The following ABCC12 variants were observed in gnomAD, a reference collection of about 807,000 sequenced individuals.
The protein encoded by ABCC12 is ATP binding cassette subfamily C member 12.
A neutral mutation model predicts 151.1 loss-of-function variants in ABCC12; 142 were observed. That is an observed-to-expected ratio of 0.94 (90% CI 0.82 to 1.08). The LOEUF (loss-of-function observed/expected upper bound fraction) is 1.08. Among genes scored for constraint, ABCC12 ranks in the 50% least tolerant of loss-of-function variants. ABCC12 has a pLI of 0.00. For missense variants in ABCC12, 1,638 were observed against 1,691.1 expected, an observed-to-expected ratio of 0.97 and a Z score of 0.55; for synonymous variants, 645 against 646.4, an observed-to-expected ratio of 1.00 and a Z score of 0.03.
rs79865565 is a variant in ABCC12, at chr16:48,123,304, C to T, written c.1587+909G>A. On this transcript the variant is annotated intron_variant, in intron 12 of 30. Coordinates refer to ENST00000311303, the MANE Select transcript of ABCC12 (RefSeq NM_001393797.1). ...TGAGCTGAGTCACCTCTATGGCTCA[C>T]GCTGACTCATCATGGAGGCACACAC... is the stretch of plus-strand genomic sequence containing the variant. Among the ~76,000 whole-genome samples, 1,254 of 152,242 alleles carry T rather than the reference C, an allele frequency of 8.2e-3. 14 individuals are homozygous for T. The highest frequency in any genetic ancestry group is 0.028 in the African/African-American group (1,158 of 41,524).
chr16:48,104,511 G>A (rs1312783260), intron 21 of ABCC12, 143 bp from the exon 22 acceptor site: 5 of 704,736 alleles, frequency 7.1e-6, no homozygotes, highest in South Asian at 3.7e-5. Context: ...CTTGGGAAAG[G>A]GAGGATGCAC....
intron 24 of ABCC12, among the ~76,000 whole-genome samples, chr16:48,093,515 C>T (rs369340760): frequency 5.4e-4 from 83 of 152,300 alleles, no homozygotes; most frequent in African/African-American, 1.9e-3. Context: ...TTCCTCCACT[C>T]GTTGTCTTCC....
At chr16:48,152,454 T>C (rs1184604036) in intron 2 of ABCC12, among the ~76,000 whole-genome samples, 1 of 152,172 alleles carries the variant, frequency 6.6e-6, no homozygotes. Flanking sequence ...CTGTGGTCCA[T>C]GATCAACAAC....
At chr16:48,091,377 C>G (rs912454192) in intron 24 of ABCC12, 168 bp from the exon 25 acceptor site, 1 of 632,354 alleles carries the variant, frequency 1.6e-6, no homozygotes, top group Non-Finnish European at 2.8e-6. Flanking sequence ...TAAAGATATT[C>G]CTGTTCGGGT....
At chr16:48,107,152 T>A (rs1963520296) in intron 20 of ABCC12, among the ~76,000 whole-genome samples, 170 bp downstream of exon 20, 1 of 152,144 alleles carries the variant, frequency 6.6e-6, no homozygotes, top group South Asian at 2.1e-4. Flanking sequence ...CAAAGGGGAT[T>A]CCAGGGGTTT....
Position 48,091,057 on chromosome 16 carries a change from A to G in ABCC12, c.3285+63T>C. The G allele has an allele frequency of 2.0e-6, 3 of 1,484,312 alleles. No homozygotes were observed. In the Admixed American group the frequency reaches 5.0e-5, roughly 25 times the overall value. 91.9% of individuals were successfully genotyped at this position (1,484,312 alleles called of 1,614,324 possible). ...ACCCCTTTCGCATCTAAAAAGATCC[A>G]GTATTTGCCCAAGTCCTGCCAAAAT... On this transcript the variant is annotated intron_variant, in intron 25 of 30. Transcript: ENST00000311303.
At chr16:48,134,034 A>G (rs1257689696) in intron 8 of ABCC12, among the ~76,000 whole-genome samples, 199 bp from the exon 9 acceptor site, 1 of 152,178 alleles carries the variant, frequency 6.6e-6, no homozygotes, top group Non-Finnish European at 1.5e-5. Flanking sequence ...CAGCTGCCGT[A>G]AGTGGATGGT....
Position 48,133,847 on chromosome 16 carries a change from A to G in ABCC12, c.980-12T>C. ...CCTCCTTCTTATATCTGCAAAATAG[A>G]ACACAGTCCAAGGTGGTCTCATTTT... is the stretch of plus-strand genomic sequence containing the variant. On this transcript the variant is annotated splice_polypyrimidine_tract_variant and intron_variant, in intron 8 of 30. Transcript: ENST00000311303. 1 of 1,614,076 alleles carries G rather than the reference A, an allele frequency of 6.2e-7. No homozygotes were observed. Among genetic ancestry groups the G allele is most frequent in the Non-Finnish European group, 8.5e-7 (1 of 1,179,978 alleles).
chr16:48,118,232 G>A (rs990447856), intron 13 of ABCC12, among the ~76,000 whole-genome samples: 2 of 152,310 alleles, frequency 1.3e-5, no homozygotes, highest in East Asian at 1.9e-4. Context: ...AGGAACGTCC[G>A]TGGTCACTGG....
chr16:48,108,419 A>G, intron 19 of ABCC12, 21 bp downstream of exon 19: 4 of 1,598,762 alleles, frequency 2.5e-6, no homozygotes, highest in Non-Finnish European at 3.4e-6. Context: ...AAATCAAGAA[A>G]CTTGTTGTTT....
chr16:48,094,522 C>T (rs1285569985), intron 24 of ABCC12, among the ~76,000 whole-genome samples: 2 of 152,270 alleles, frequency 1.3e-5, no homozygotes, highest in East Asian at 1.9e-4. Flanking sequence ...GGCTGATAGG[C>T]TCTGTATATA....
intron 11 of ABCC12, among the ~76,000 whole-genome samples, chr16:48,125,901 C>T (rs1374765195): frequency 6.6e-6 from 1 of 152,164 alleles, no homozygotes; most frequent in Non-Finnish European, 1.5e-5. Flanking sequence ...GTGGAGCCCA[C>T]ATGGATGTAA....
intron 22 of ABCC12, among the ~76,000 whole-genome samples, chr16:48,103,389 C>T (rs1963371152): frequency 6.6e-6 from 1 of 152,192 alleles, no homozygotes; most frequent in African/African-American, 2.4e-5. Context: ...TATGGAAACT[C>T]TTGCATAACA....
intron 9 of ABCC12, among the ~76,000 whole-genome samples, chr16:48,131,285 T>C (rs1481476013): frequency 6.6e-6 from 1 of 152,182 alleles, no homozygotes; most frequent in African/African-American, 2.4e-5. Flanking sequence ...TGCTCTCAGT[T>C]CTTCAGAGGC....
chr16:48,115,263 TG>T, intron 15 of ABCC12, 151 bp downstream of exon 15: 1 of 934,544 alleles, frequency 1.1e-6, no homozygotes, highest in Non-Finnish European at 1.6e-6. Flanking sequence ...CCAGGAAGGC[TG>T]GGGAATCATG....
chr16:48,143,700 A>G (rs1214809842), intron 4 of ABCC12, among the ~76,000 whole-genome samples: 1 of 152,092 alleles, frequency 6.6e-6, no homozygotes, highest in Non-Finnish European at 1.5e-5. Context: ...TACAAAGGAC[A>G]ATTCCTCTGC....
chr16:48,100,913 G>A lies in ABCC12; in HGVS notation c.2997C>T (p.Gly999=), dbSNP rs751490728. The stretch of plus-strand genomic sequence containing the variant: ...CCTTCTTGCCATAGGCGTGAATGAT[G>A]CCCAGGCCCTGCATGGAGGAGGTGA... ...THITSSMQGL[G]IIHAYGKKES... The change falls in exon 23 of 31, where the codon GGC becomes GGT. Residue 999 remains glycine (G), a synonymous_variant. Transcript: ENST00000311303. The A allele has an allele frequency of 7.4e-6, 12 of 1,614,110 alleles. No homozygotes were observed. The South Asian group carries it at 1.3e-4, about 18-fold the overall frequency.
rs374219486 is a variant in ABCC12, at chr16:48,083,666, A to G, written c.*49T>C. On this transcript the variant is annotated 3_prime_UTR_variant, in exon 31 of 31. Transcript: ENST00000311303. ...GCCCCTCCTCCTGAAGACTCCTCCTATTCATCTCACAGAGCCTCTTCCTCC... is the reference window on the plus strand; with the variant it reads ...GCCCCTCCTCCTGAAGACTCCTCCTGTTCATCTCACAGAGCCTCTTCCTCC... 5.0e-6 allele frequency: 8 copies of G among 1,587,334 alleles called. No homozygotes were observed. The highest frequency in any genetic ancestry group is 6.9e-6 in the Non-Finnish European group (8 of 1,157,810).
At position 48,133,673 on chromosome 16, in the gene ABCC12, G is replaced by A; in HGVS notation, c.1128+14C>T. On this transcript the variant is annotated intron_variant, in intron 9 of 30. Coordinates refer to ENST00000311303, the MANE Select transcript of ABCC12 (RefSeq NM_001393797.1). ...CAGGTTGTGAAAGAGCCTCGATCTG[G>A]AGCCAGCTCTTACCACGGGTGCGGT... 1 of 1,612,890 alleles carries A rather than the reference G, an allele frequency of 6.2e-7. No individual in the cohort carries two copies. The highest frequency in any genetic ancestry group is 8.5e-7 in the Non-Finnish European group (1 of 1,179,492).
Sources: gnomAD v4.1 joint callset for allele counts (sites outside exome capture counted in the v4.1 genomes callset) on GRCh38, gnomAD v4.1.1 for gene constraint, MANE v1.5 for transcripts, NCBI Gene and HGNC (gene_info 2026-07-23, HGNC 2026-07-21) for gene names.